The following PCDH7 variants were observed in gnomAD, a reference collection of about 807,000 sequenced individuals.
The protein encoded by PCDH7 is protocadherin 7.
In PCDH7, 17 loss-of-function variants were observed where a neutral mutation model predicts 58.9. The observed-to-expected ratio is 0.29, with a 90% CI of 0.20 to 0.43. PCDH7 has a LOEUF of 0.43. Ranked by LOEUF, PCDH7 falls within the 20% of genes least tolerant of loss-of-function variation. PCDH7 has a pLI of 1.00. For missense variants in PCDH7, 1,274 were observed against 1,441.0 expected, an observed-to-expected ratio of 0.88 and a Z score of 1.88; for synonymous variants, 664 against 616.4, an observed-to-expected ratio of 1.08 and a Z score of -1.14.
downstream of PCDH7, among the ~76,000 whole-genome samples, chr4:30,733,404 T>A (rs1280887164): frequency 6.6e-6 from 1 of 152,152 alleles, no homozygotes; most frequent in Non-Finnish European, 1.5e-5. Context: ...GGAATTAATA[T>A]ATTATAAAGA....
At chr4:30,847,209 A>G (rs1169557004) in intron 1 of PCDH7, among the ~76,000 whole-genome samples, 1 of 152,116 alleles carries the variant, frequency 6.6e-6, no homozygotes, top group Non-Finnish European at 1.5e-5. Flanking sequence ...CTACTATCAG[A>G]TTTTGTGCTT....
chr4:31,085,125 A>C lies in PCDH7; in HGVS notation c.*8-57348A>C, dbSNP rs143998301. ...TTTGGGGAGCAGAATTTTTAAGGAT[A>C]ACTTGATGGGTAGGGGAAAGCCAGT... On this transcript the variant is annotated intron_variant, in intron 3 of 3. Coordinates refer to the PCDH7 transcript ENST00000509759. 1.1e-3 allele frequency among the ~76,000 whole-genome samples: 170 copies of C among 152,112 alleles called. 1 individual carries two copies. Among genetic ancestry groups the C allele is most frequent in the African/African-American group, 3.8e-3 (159 of 41,506 alleles).
intron 2 of PCDH7, among the ~76,000 whole-genome samples, chr4:30,920,649 G>A (rs1293033578): frequency 6.6e-6 from 1 of 152,030 alleles, no homozygotes; most frequent in African/African-American, 2.4e-5. Context: ...AGCTAAATAA[G>A]TGCAGAATTC....
intron 1 of PCDH7, among the ~76,000 whole-genome samples, chr4:30,829,769 G>A (rs1577967623): frequency 6.6e-6 from 1 of 152,034 alleles, no homozygotes; most frequent in South Asian, 2.1e-4. Flanking sequence ...TAGAAATATG[G>A]CTAATAAAAT....
chr4:30,819,486 A>G (rs1728091765), intron 1 of PCDH7, among the ~76,000 whole-genome samples: 1 of 152,188 alleles, frequency 6.6e-6, no homozygotes. Context: ...TGCTCATACA[A>G]GAGTTTAACA....
At chr4:30,901,655 T>C (rs1160783067) in intron 1 of PCDH7, among the ~76,000 whole-genome samples, 1 of 152,158 alleles carries the variant, frequency 6.6e-6, no homozygotes, top group East Asian at 1.9e-4. Context: ...TCCCTTACAA[T>C]TGGCTTAAAT....
intron 3 of PCDH7, among the ~76,000 whole-genome samples, chr4:31,042,995 A>C (rs1756006118): frequency 6.6e-6 from 1 of 152,144 alleles, no homozygotes; most frequent in African/African-American, 2.4e-5. Flanking sequence ...GGAGACAGCC[A>C]AACTAGCCTA....
downstream of PCDH7, among the ~76,000 whole-genome samples, chr4:30,735,390 G>A (rs939997346): frequency 1.3e-5 from 2 of 152,134 alleles, no homozygotes; most frequent in African/African-American, 2.4e-5. Flanking sequence ...AAGCAAGGAC[G>A]TATATGCCGT....
At chr4:31,075,046 A>G (rs897209219) in intron 3 of PCDH7, among the ~76,000 whole-genome samples, 1 of 152,148 alleles carries the variant, frequency 6.6e-6, no homozygotes, top group Non-Finnish European at 1.5e-5. Context: ...AAGAAATTAC[A>G]CGATTGTCTG....
intron 3 of PCDH7, among the ~76,000 whole-genome samples, chr4:31,051,822 T>C (rs1756753779): frequency 1.4e-5 from 2 of 138,396 alleles, no homozygotes; most frequent in Admixed American, 7.1e-5. Flanking sequence ...CAAAGCATTG[T>C]TGGGTGTGTG....
At chr4:30,855,034 G>T (rs1733279747) in intron 1 of PCDH7, among the ~76,000 whole-genome samples, 1 of 152,078 alleles carries the variant, frequency 6.6e-6, no homozygotes, top group Admixed American at 6.6e-5. Flanking sequence ...CTTCTACTTA[G>T]AAAGTGGAGG....
intron 3 of PCDH7, among the ~76,000 whole-genome samples, chr4:30,960,889 G>C (rs1028335111): frequency 1.3e-5 from 2 of 152,144 alleles, no homozygotes; most frequent in South Asian, 4.1e-4. Context: ...TTAGTTTTAA[G>C]ATGTTTTATG....
chr4:31,062,805 C>T (rs1757790973), intron 3 of PCDH7, among the ~76,000 whole-genome samples: 2 of 151,624 alleles, frequency 1.3e-5, no homozygotes, highest in African/African-American at 2.4e-5. Flanking sequence ...TGATATAAAG[C>T]GTAACTTTGA....
chr4:30,812,096 A>T (rs1031988985), intron 1 of PCDH7, among the ~76,000 whole-genome samples: 9 of 152,236 alleles, frequency 5.9e-5, no homozygotes, highest in African/African-American at 2.2e-4. Flanking sequence ...ACGGCAAATG[A>T]GGCAACTGCT....
intron 3 of PCDH7, among the ~76,000 whole-genome samples, chr4:30,996,924 T>C (rs1486931166): frequency 6.6e-6 from 1 of 152,204 alleles, no homozygotes; most frequent in Non-Finnish European, 1.5e-5. Flanking sequence ...TTGCTTTCAG[T>C]AATAACAATG....
At chr4:30,890,800 A>G (rs1443798901) in intron 1 of PCDH7, among the ~76,000 whole-genome samples, 1 of 152,132 alleles carries the variant, frequency 6.6e-6, no homozygotes, top group Non-Finnish European at 1.5e-5. Context: ...AAAACCTTAT[A>G]TTTACCTAGC....
chr4:30,915,031 A>T (rs1270871247), intron 1 of PCDH7, among the ~76,000 whole-genome samples: 1 of 152,024 alleles, frequency 6.6e-6, no homozygotes, highest in African/African-American at 2.4e-5. Flanking sequence ...TTTCTCTCTT[A>T]ATTCTAGCTA....
Position 31,031,664 on chromosome 4 carries a change from T to A in PCDH7, c.*7+81449T>A, listed in dbSNP as rs77871251. 3.9e-3 allele frequency among the ~76,000 whole-genome samples: 601 copies of A among 152,318 alleles called. 30 individuals carry two copies. The East Asian group carries it at 0.1, about 26-fold the overall frequency. ...GCAAATTAAAAGAAAAAAACTTTTA[T>A]TATTCAGTGTTATTTCAAATATTCA... On this transcript the variant is annotated intron_variant, in intron 3 of 3. Coordinates refer to the PCDH7 transcript ENST00000509759.
At chr4:31,112,927 A>G (rs1433810003) in intron 3 of PCDH7, among the ~76,000 whole-genome samples, 1 of 152,130 alleles carries the variant, frequency 6.6e-6, no homozygotes, top group African/African-American at 2.4e-5. Flanking sequence ...ACTGTCTGGG[A>G]CTGCTATTCT....
Sources: allele counts gnomAD v4.1 joint callset (sites outside exome capture counted in the v4.1 genomes callset), GRCh38; gene constraint gnomAD v4.1.1; transcripts MANE v1.5; gene names NCBI Gene and HGNC (gene_info 2026-07-23, HGNC 2026-07-21).